The following NFASC variants were observed in gnomAD, a reference collection of about 807,000 sequenced individuals.
NFASC encodes neurofascin homolog.
Under a neutral mutation model 147.5 loss-of-function variants are expected in NFASC, and 43 were observed. That is an observed-to-expected ratio of 0.29 (90% CI 0.23 to 0.38). The LOEUF is 0.38. Ranked by LOEUF, NFASC falls within the 10% of genes least tolerant of loss-of-function variation. The pLI is 1.00. For missense variants in NFASC, 1,320 were observed against 1,689.0 expected (o/e 0.78, Z 3.83); for synonymous variants, 622 against 665.5 (o/e 0.93, Z 1.01).
intron 1 of NFASC, among the ~76,000 whole-genome samples, chr1:204,906,220 G>A (rs1377595818): frequency 1.3e-5 from 2 of 152,080 alleles, no homozygotes; most frequent in African/African-American, 2.4e-5. Flanking sequence ...TGAGTTATAA[G>A]TTACACAGAA....
At chr1:204,902,728 T>A (rs2084902420) in intron 1 of NFASC, among the ~76,000 whole-genome samples, 1 of 151,932 alleles carries the variant, frequency 6.6e-6, no homozygotes, top group Admixed American at 6.6e-5. Context: ...ATGATACAAA[T>A]TAAAACAAAG....
intron 1 of NFASC, among the ~76,000 whole-genome samples, chr1:204,909,530 CTCG>C (rs1203303513): frequency 1.3e-5 from 2 of 152,190 alleles, no homozygotes; most frequent in African/African-American, 4.8e-5. Flanking sequence ...GTTTCTCCCA[CTCG>C]TCATCTTCTT....
Position 204,849,372 on chromosome 1 carries a change from G to T in NFASC, c.-200+20590G>T, listed in dbSNP as rs573622061. Among the ~76,000 whole-genome samples, 3 of 152,290 alleles carry T rather than the reference G, an allele frequency of 2.0e-5. No homozygotes were observed. The East Asian group carries it at 5.8e-4, about 29-fold the overall frequency. Reference sequence around the variant, plus strand: ...AGAAACTGTCAGAGCTTCAAGAGACGTTAAAAACAGTCTCTTCTGTGGTTC... The same window carrying T: ...AGAAACTGTCAGAGCTTCAAGAGACTTTAAAAACAGTCTCTTCTGTGGTTC... On this transcript the variant is annotated intron_variant, in intron 1 of 29. Transcript: ENST00000339876.
chr1:204,850,696 C>T (rs944161953), intron 1 of NFASC, among the ~76,000 whole-genome samples: 2 of 152,210 alleles, frequency 1.3e-5, no homozygotes, highest in African/African-American at 4.8e-5. Context: ...GTTCACCTTC[C>T]GCCATGACTG....
At chr1:204,903,979 A>G (rs1215643550) in intron 1 of NFASC, among the ~76,000 whole-genome samples, 1 of 152,178 alleles carries the variant, frequency 6.6e-6, no homozygotes, top group African/African-American at 2.4e-5. Context: ...AGGAGTGTAG[A>G]CTTGGGAACA....
chr1:205,004,934 A>G (rs2096072951), intron 27 of NFASC, among the ~76,000 whole-genome samples: 1 of 152,262 alleles, frequency 6.6e-6, no homozygotes, highest in Non-Finnish European at 1.5e-5. Context: ...CTGAGGGGCT[A>G]CAAACACATA....
intron 1 of NFASC, among the ~76,000 whole-genome samples, chr1:204,829,588 G>T (rs1460534785): frequency 2.0e-5 from 3 of 152,146 alleles, no homozygotes; most frequent in Non-Finnish European, 4.4e-5. Flanking sequence ...GGGTTAGTAG[G>T]CCTCTCTCTT....
intron 2 of NFASC, among the ~76,000 whole-genome samples, chr1:204,925,111 T>C (rs766310317): frequency 9.2e-5 from 14 of 152,168 alleles, no homozygotes; most frequent in Non-Finnish European, 2.1e-4. Context: ...CTGAACCTCA[T>C]GATCCACCTG....
At chr1:204,982,473 TC>T (rs1026664133) in intron 21 of NFASC, among the ~76,000 whole-genome samples, 1 of 152,154 alleles carries the variant, frequency 6.6e-6, no homozygotes, top group South Asian at 2.1e-4. Context: ...GGCCAGAGGT[TC>T]CCCCGGGGAA....
chr1:204,901,885 G>A (rs1025919523), intron 1 of NFASC, among the ~76,000 whole-genome samples: 2 of 152,166 alleles, frequency 1.3e-5, no homozygotes, highest in Non-Finnish European at 2.9e-5. Context: ...GTGGCACAGA[G>A]GGGCAAAGGC....
At chr1:205,002,830 C>T (rs375795946) in intron 27 of NFASC, 82 bp downstream of exon 27, 61 of 1,157,196 alleles carry the variant, frequency 5.3e-5, no homozygotes, top group Non-Finnish European at 6.2e-5. Context: ...TGCCTCTCTC[C>T]TCGGAAAGAA....
chr1:204,844,459 G>T (rs1315617124), intron 1 of NFASC, among the ~76,000 whole-genome samples: 1 of 152,150 alleles, frequency 6.6e-6, no homozygotes, highest in African/African-American at 2.4e-5. Flanking sequence ...GTGCTTAATT[G>T]TACGCTAGAT....
In NFASC at chr1:204,968,276, G is replaced by A; in HGVS notation, c.734G>A (p.Ser245Asn). The change falls in exon 9 of 30, where the codon AGC becomes AAC. Residue 245 changes from serine (S) to asparagine (N), a missense_variant. This residue lies in a region of NFASC where 981 missense variants were observed against 1,289.5 expected (regional missense o/e 0.76). Transcript: ENST00000339876. The surrounding 1 kb of genome is among the most constrained non-coding windows in gnomAD (Gnocchi z 5.4). Reference sequence around the variant, plus strand: ...CGAGGAGTTGCAGAAAGAACACCAAGCTTCATGTATCCCCAGGGCACCGCG... The same window carrying A: ...CGAGGAGTTGCAGAAAGAACACCAAACTTCATGTATCCCCAGGGCACCGCG... ...TTRGVAERTPSFMYPQGTASS... is the reference protein window; with the variant it reads ...TTRGVAERTPNFMYPQGTASS... 2 of 1,614,162 alleles carry A rather than the reference G, an allele frequency of 1.2e-6. No individual in the cohort carries two copies. Among genetic ancestry groups the A allele is most frequent in the Non-Finnish European group, 1.7e-6 (2 of 1,180,018 alleles).
At chr1:204,960,223 A>G (rs972191936) in intron 8 of NFASC, among the ~76,000 whole-genome samples, 1 of 152,246 alleles carries the variant, frequency 6.6e-6, no homozygotes, top group African/African-American at 2.4e-5. Context: ...ATTTGGGAAG[A>G]AATAAATCTC....
chr1:204,930,016 A>G lies in NFASC; in HGVS notation c.-91+9276A>G, dbSNP rs7538017. On this transcript the variant is annotated intron_variant, in intron 2 of 29. Coordinates refer to ENST00000339876, the MANE Select transcript of NFASC (RefSeq NM_001005388.3). The stretch of plus-strand genomic sequence containing the variant: ...CAGAGGGCAGGAGGGGAAGTGGCGG[A>G]CGGTGGCCCTCAGTCATGCCTAGCC... Among the ~76,000 whole-genome samples, 717 of 152,280 alleles carry G rather than the reference A, an allele frequency of 4.7e-3. 4 individuals are homozygous for G. The highest frequency in any genetic ancestry group is 0.016 in the African/African-American group (672 of 41,542).
rs773502135 is a variant in NFASC, at chr1:204,980,363, G to T, written c.2177-7G>T. The T allele has an allele frequency of 1.9e-6, 3 of 1,612,982 alleles. No individual in the cohort carries two copies. The highest frequency in any genetic ancestry group is 2.2e-5 in the South Asian group (2 of 90,864). On this transcript the variant is annotated splice_polypyrimidine_tract_variant and splice_region_variant and intron_variant, in intron 19 of 29. Coordinates refer to ENST00000339876, the MANE Select transcript of NFASC (RefSeq NM_001005388.3). ...TGGACTTGAGCCTGTGTCTGTTTGG[G>T]TTCCAGCCCCCGAGTCCAATCCTGG...
chr1:204,866,683 G>A (rs1572194081), intron 1 of NFASC, among the ~76,000 whole-genome samples: 1 of 152,184 alleles, frequency 6.6e-6, no homozygotes, highest in South Asian at 2.1e-4. Flanking sequence ...GCAAGCCTGT[G>A]TGTGCAATAC....
intron 1 of NFASC, among the ~76,000 whole-genome samples, chr1:204,850,246 T>C (rs1048991347): frequency 5.3e-5 from 8 of 152,226 alleles, no homozygotes; most frequent in Non-Finnish European, 1.2e-4. Context: ...TCTGGGGGCT[T>C]TCAAATAGCT....
chr1:204,865,886 A>G (rs1457358212), intron 1 of NFASC, among the ~76,000 whole-genome samples: 1 of 152,154 alleles, frequency 6.6e-6, no homozygotes, highest in Non-Finnish European at 1.5e-5. Context: ...CTTAGTACAC[A>G]CCGGCAGTTT....
Sources: gnomAD v4.1 joint callset for allele counts (sites outside exome capture counted in the v4.1 genomes callset) on GRCh38, gnomAD v4.1.1 for gene constraint, gnomAD v4.1.1 regional missense constraint, Gnocchi (gnomAD v3.1) non-coding constraint, MANE v1.5 for transcripts, NCBI Gene and HGNC (gene_info 2026-07-23, HGNC 2026-07-21) for gene names.